The following SOBP variants were observed in gnomAD, a reference collection of about 807,000 sequenced individuals.
The protein encoded by SOBP is sine oculis binding protein homolog.
SOBP carries 4 observed loss-of-function variants against 53.6 expected under a neutral mutation model. The ratio of observed to expected loss-of-function variants is 0.07; its 90% confidence interval spans 0.04 to 0.17. The LOEUF (loss-of-function observed/expected upper bound fraction) is 0.17. SOBP is among the 10% of genes least tolerant of loss of function. The pLI is 1.00. For missense variants in SOBP, 1,088 were observed against 1,204.7 expected (o/e 0.90, Z 1.43); for synonymous variants, 584 against 522.6 (o/e 1.12, Z -1.60).
intron 5 of SOBP, among the ~76,000 whole-genome samples, chr6:107,631,084 A>T (rs1017428835): frequency 6.6e-6 from 1 of 152,086 alleles, no homozygotes; most frequent in Non-Finnish European, 1.5e-5. Context: ...GATTATTATT[A>T]TTTTTTACTC....
intron 4 of SOBP, among the ~76,000 whole-genome samples, chr6:107,574,682 G>C (rs572591627): frequency 6.6e-6 from 1 of 152,144 alleles, no homozygotes; most frequent in African/African-American, 2.4e-5. Context: ...CACCATCCTC[G>C]TTCTCCCATC....
intron 5 of SOBP, among the ~76,000 whole-genome samples, chr6:107,591,701 G>C (rs191834777): frequency 6.6e-6 from 1 of 152,154 alleles, no homozygotes; most frequent in Non-Finnish European, 1.5e-5. Flanking sequence ...CTATCCTATC[G>C]AGTCTGGATT....
chr6:107,580,120 T>G (rs986546650), intron 4 of SOBP, among the ~76,000 whole-genome samples: 1 of 152,164 alleles, frequency 6.6e-6, no homozygotes, highest in African/African-American at 2.4e-5. Context: ...TAGGCAGACA[T>G]TAGTAGTAAT....
chr6:107,631,188 A>G (rs1770700187), intron 5 of SOBP, among the ~76,000 whole-genome samples: 1 of 152,236 alleles, frequency 6.6e-6, no homozygotes, highest in Admixed American at 6.5e-5. Flanking sequence ...AGGATTTCAG[A>G]AAACCCTTCT....
At chr6:107,643,473 G>C (rs1771414636) in intron 6 of SOBP, among the ~76,000 whole-genome samples, 1 of 152,210 alleles carries the variant, frequency 6.6e-6, no homozygotes, top group East Asian at 1.9e-4. Context: ...CTGGAGTGCA[G>C]TGACGCGATC....
At chr6:107,518,764 T>TC (rs1219188077) in intron 3 of SOBP, among the ~76,000 whole-genome samples, 6 of 127,156 alleles carry the variant, frequency 4.7e-5, no homozygotes, top group Non-Finnish European at 9.9e-5. Flanking sequence ...TTTTTTTTTT[T>TC]TCTCAAAAAG....
intron 3 of SOBP, among the ~76,000 whole-genome samples, chr6:107,517,673 A>G (rs1029895996): frequency 6.6e-6 from 1 of 152,230 alleles, no homozygotes; most frequent in Non-Finnish European, 1.5e-5. Flanking sequence ...GTTTATGGAA[A>G]AAATGTATGT....
chr6:107,539,126 C>T (rs918543583), intron 4 of SOBP, among the ~76,000 whole-genome samples: 2 of 152,158 alleles, frequency 1.3e-5, no homozygotes, highest in African/African-American at 2.4e-5. Context: ...TAAGGGATAC[C>T]TGGAACACAG....
chr6:107,503,846 C>G (rs556353798), intron 2 of SOBP, 51 bp downstream of exon 2: 4 of 1,606,794 alleles, frequency 2.5e-6, no homozygotes, highest in Admixed American at 1.7e-5. Flanking sequence ...TTAACTATCT[C>G]AACCTGCCAG....
At chr6:107,528,014 TA>T (rs1783715346) in intron 3 of SOBP, among the ~76,000 whole-genome samples, 1 of 152,218 alleles carries the variant, frequency 6.6e-6, no homozygotes, top group African/African-American at 2.4e-5. Flanking sequence ...GGCTAGAGAT[TA>T]GCTAAGTAAT....
At chr6:107,586,856 A>G (rs1169251390) in intron 4 of SOBP, among the ~76,000 whole-genome samples, 1 of 152,202 alleles carries the variant, frequency 6.6e-6, no homozygotes, top group Non-Finnish European at 1.5e-5. Flanking sequence ...ATTGTTTTAA[A>G]TATTACACCA....
At chr6:107,650,068 T>A (rs1409428191) in intron 6 of SOBP, among the ~76,000 whole-genome samples, 1 of 152,260 alleles carries the variant, frequency 6.6e-6, no homozygotes, top group African/African-American at 2.4e-5. Flanking sequence ...TAATTTTTAC[T>A]GATTAACAAG....
At chr6:107,576,844 G>T (rs1426279165) in intron 4 of SOBP, among the ~76,000 whole-genome samples, 2 of 152,220 alleles carry the variant, frequency 1.3e-5, no homozygotes, top group Non-Finnish European at 2.9e-5. Context: ...CATTTCTGTG[G>T]TTGCTGGTGG....
At position 107,622,795 on chromosome 6, in the gene SOBP, A is replaced by G. The variant is rs1275532720; in HGVS notation, c.670-10719A>G. 2.0e-5 allele frequency among the ~76,000 whole-genome samples: 3 copies of G among 152,248 alleles called. No homozygotes were observed. The South Asian group carries it at 6.2e-4, about 31-fold the overall frequency. ...TAGGAATATAAAAGGAAGCATCAAA[A>G]GAATAATGTGGGGATATTTAGTATA... On this transcript the variant is annotated intron_variant, in intron 5 of 6. Coordinates refer to ENST00000317357, the MANE Select transcript of SOBP (RefSeq NM_018013.4).
At chr6:107,638,073 G>T (rs956745377) in intron 6 of SOBP, among the ~76,000 whole-genome samples, 5 of 152,090 alleles carry the variant, frequency 3.3e-5, no homozygotes, top group African/African-American at 1.2e-4. Flanking sequence ...TTAAGATGGG[G>T]GAAAAACCAC....
intron 6 of SOBP, among the ~76,000 whole-genome samples, chr6:107,655,817 T>G (rs1175056008): frequency 6.6e-6 from 1 of 152,222 alleles, no homozygotes; most frequent in Non-Finnish European, 1.5e-5. Flanking sequence ...CCGTGTTTGG[T>G]CTTTGTCCAA....
At chr6:107,641,533 A>G (rs1189994454) in intron 6 of SOBP, among the ~76,000 whole-genome samples, 2 of 152,180 alleles carry the variant, frequency 1.3e-5, no homozygotes, top group South Asian at 2.1e-4. Context: ...ACACCAGGGC[A>G]TTGATGTGGC....
intron 4 of SOBP, among the ~76,000 whole-genome samples, chr6:107,565,756 A>C (rs1306207574): frequency 6.6e-6 from 1 of 152,236 alleles, no homozygotes; most frequent in Non-Finnish European, 1.5e-5. Flanking sequence ...CCTAAAAGTC[A>C]TCTGAGTATC....
At chr6:107,498,936 G>A (rs1404329975) in intron 1 of SOBP, among the ~76,000 whole-genome samples, 1 of 152,168 alleles carries the variant, frequency 6.6e-6, no homozygotes, top group Non-Finnish European at 1.5e-5. Context: ...AGAGTCAGAT[G>A]TAGTATCAAA....
Sources: allele counts gnomAD v4.1 joint callset (sites outside exome capture counted in the v4.1 genomes callset), GRCh38; gene constraint gnomAD v4.1.1; transcripts MANE v1.5; gene names NCBI Gene and HGNC (gene_info 2026-07-23, HGNC 2026-07-21).